DCDC1: variants seen among roughly 807,000 people sequenced by gnomAD.
DCDC1 encodes the protein doublecortin domain containing 1.
DCDC1 carries 200 observed loss-of-function variants against 178.3 expected under a neutral mutation model. The observed-to-expected ratio is 1.12, with a 90% CI of 1.00 to 1.26. The LOEUF (loss-of-function observed/expected upper bound fraction) is 1.26. DCDC1 is among the 50% of genes most tolerant of loss of function. The pLI is 0.00. For missense variants in DCDC1, 1,983 were observed against 1,749.2 expected (o/e 1.13, Z -2.38); for synonymous variants, 690 against 604.8 (o/e 1.14, Z -2.07).
At chr11:30,871,252 T>G (rs1405159741) in intron 38 of DCDC1, among the ~76,000 whole-genome samples, 1 of 152,018 alleles carries the variant, frequency 6.6e-6, no homozygotes, top group Non-Finnish European at 1.5e-5. Context: ...CTCGGATAAG[T>G]AGAAAATTCA....
intron 12 of DCDC1, among the ~76,000 whole-genome samples, chr11:31,107,541 A>G (rs1230554904): frequency 6.6e-6 from 1 of 152,208 alleles, no homozygotes; most frequent in South Asian, 2.1e-4. Context: ...AGTTGTAAGA[A>G]AGACATCATG....
At chr11:31,240,556 C>G (rs1329291429) in intron 9 of DCDC1, among the ~76,000 whole-genome samples, 1 of 151,994 alleles carries the variant, frequency 6.6e-6, no homozygotes, top group African/African-American at 2.4e-5. Flanking sequence ...TCCCCTTCCT[C>G]TCTGCAAGCA....
chr11:31,336,535 A>G (rs1950282889), intron 1 of DCDC1, among the ~76,000 whole-genome samples: 1 of 152,244 alleles, frequency 6.6e-6, no homozygotes. Context: ...TTTTTTAAAA[A>G]GACAATTTTG....
chr11:31,188,965 G>A (rs763688384), intron 9 of DCDC1, among the ~76,000 whole-genome samples: 7 of 152,048 alleles, frequency 4.6e-5, no homozygotes, highest in East Asian at 1.9e-4. Context: ...ACCTAAAGCC[G>A]CTTGTTCATC....
chr11:30,985,765 C>A (rs755056976), intron 20 of DCDC1, among the ~76,000 whole-genome samples: 13 of 152,150 alleles, frequency 8.5e-5, no homozygotes, highest in Non-Finnish European at 1.6e-4. Flanking sequence ...AAGTCCACAT[C>A]CTTCCCCCAA....
chr11:31,125,318 A>C (rs1448170389), intron 11 of DCDC1, among the ~76,000 whole-genome samples: 1 of 152,196 alleles, frequency 6.6e-6, no homozygotes, highest in Admixed American at 6.5e-5. Flanking sequence ...ATACTTTTAC[A>C]CTGTTAGTGG....
At position 31,259,272 on chromosome 11, in the gene DCDC1, G is replaced by T. The variant is rs143756250; in HGVS notation, c.1054+6235C>A. Among the ~76,000 whole-genome samples the T allele has an allele frequency of 2.7e-3, 415 of 152,180 alleles. 4 individuals are homozygous for T. Among genetic ancestry groups the T allele is most frequent in the East Asian group, 0.023 (118 of 5,160 alleles). On this transcript the variant is annotated intron_variant, in intron 8 of 38. Coordinates refer to ENST00000684477, the MANE Select transcript of DCDC1 (RefSeq NM_001387274.1). ...GGAGGCTGAGGCAGGAGAATCACCT[G>T]AACCCGGGAGGCGGAGGTTGCAGTG...
intron 20 of DCDC1, among the ~76,000 whole-genome samples, chr11:31,045,991 G>A (rs2135381812): frequency 6.6e-6 from 1 of 152,192 alleles, no homozygotes; most frequent in South Asian, 2.1e-4. Context: ...GATGTCACTA[G>A]TTATGCATGC....
At chr11:31,206,603 T>C (rs1371342264) in intron 9 of DCDC1, among the ~76,000 whole-genome samples, 1 of 152,008 alleles carries the variant, frequency 6.6e-6, no homozygotes, top group Non-Finnish European at 1.5e-5. Context: ...TTAGTAAAGA[T>C]GGGGTTCCAC....
At chr11:31,354,815 T>C (rs1374105614) in intron 1 of DCDC1, among the ~76,000 whole-genome samples, 1 of 152,184 alleles carries the variant, frequency 6.6e-6, no homozygotes, top group Admixed American at 6.5e-5. Context: ...TCAGTCTTTT[T>C]ACTGATGACT....
chr11:31,137,593 C>T (rs1258438117), intron 10 of DCDC1, 99 bp downstream of exon 10: 4 of 590,450 alleles, frequency 6.8e-6, no homozygotes, highest in East Asian at 6.1e-5. Flanking sequence ...TGTGATCTTC[C>T]CGCCTCGGCC....
intron 6 of DCDC1, among the ~76,000 whole-genome samples, chr11:31,303,502 T>C (rs184748608): frequency 1.6e-3 from 243 of 152,292 alleles, no homozygotes; most frequent in Non-Finnish European, 2.8e-3. Context: ...TATCGATTTA[T>C]CTGTAAAACA....
At chr11:31,157,326 G>T (rs1349656138) in intron 9 of DCDC1, among the ~76,000 whole-genome samples, 1 of 139,920 alleles carries the variant, frequency 7.1e-6, no homozygotes, top group Non-Finnish European at 1.5e-5. Context: ...AGGAGTTCAA[G>T]GTTACAGAGA....
intron 20 of DCDC1, among the ~76,000 whole-genome samples, chr11:31,000,712 T>A (rs567850354): frequency 5.9e-5 from 9 of 152,256 alleles, no homozygotes; most frequent in African/African-American, 2.2e-4. Context: ...TGCATTGTTT[T>A]TTTTCTAATA....
chr11:31,263,238 GA>G (rs1284010904), intron 8 of DCDC1, among the ~76,000 whole-genome samples: 1 of 152,130 alleles, frequency 6.6e-6, no homozygotes, highest in Admixed American at 6.5e-5. Context: ...TTCAAGTCTA[GA>G]TAGGGTATTA....
At chr11:30,878,330 G>A (rs1438882755) in intron 38 of DCDC1, among the ~76,000 whole-genome samples, 1 of 151,912 alleles carries the variant, frequency 6.6e-6, no homozygotes, top group Non-Finnish European at 1.5e-5. Flanking sequence ...GTGCATGACT[G>A]TAGTCCCATT....
At chr11:31,306,693 A>T (rs192010536) in intron 4 of DCDC1, among the ~76,000 whole-genome samples, 3 of 151,950 alleles carry the variant, frequency 2.0e-5, no homozygotes, top group Admixed American at 6.6e-5. Flanking sequence ...TAAAATATAT[A>T]TATATTATAT....
intron 32 of DCDC1, among the ~76,000 whole-genome samples, chr11:30,901,116 A>G (rs1056764686): frequency 6.6e-6 from 1 of 152,158 alleles, no homozygotes; most frequent in African/African-American, 2.4e-5. Flanking sequence ...CCAGCTTCAT[A>G]TGGCCCACAT....
At chr11:30,929,261 CT>C (rs1312776006) in intron 22 of DCDC1, among the ~76,000 whole-genome samples, 2 of 152,066 alleles carry the variant, frequency 1.3e-5, no homozygotes, top group East Asian at 3.9e-4. Flanking sequence ...GATTGTACAT[CT>C]GCTATGAATG....
Sources: gnomAD v4.1 joint callset for allele counts (sites outside exome capture counted in the v4.1 genomes callset) on GRCh38, gnomAD v4.1.1 for gene constraint, MANE v1.5 for transcripts, NCBI Gene and HGNC (gene_info 2026-07-23, HGNC 2026-07-21) for gene names.